Variants in PLXNA2 observed in about 807,000 individuals in gnomAD.
The protein encoded by PLXNA2 is plexin A2.
A neutral mutation model predicts 193.5 loss-of-function variants in PLXNA2; 91 were observed. The ratio of observed to expected loss-of-function variants is 0.47; its 90% CI spans 0.40 to 0.56. The LOEUF is 0.56. Ranked by LOEUF, PLXNA2 falls within the 20% of genes least tolerant of loss-of-function variation. The probability of loss-of-function intolerance (pLI) is 0.00; values close to 1 mark genes in which losing one functional copy is unlikely to be tolerated. For missense variants in PLXNA2, 1,995 were observed against 2,503.2 expected, an observed-to-expected ratio of 0.80 and a Z score of 4.33; for synonymous variants, 997 against 1,027.3, an observed-to-expected ratio of 0.97 and a Z score of 0.56.
chr1:208,210,016 TGTACC>T (rs1670882932), intron 3 of PLXNA2: 2 of 220,096 alleles, frequency 9.1e-6, no homozygotes, highest in African/African-American at 2.6e-5. Flanking sequence ...CTTTTGCAGA[TGTACC>T]TTCTTAAAGT....
intron 4 of PLXNA2, among the ~76,000 whole-genome samples, chr1:208,132,271 A>G (rs1199386028): frequency 1.3e-5 from 2 of 152,186 alleles, no homozygotes; most frequent in Non-Finnish European, 2.9e-5. Context: ...GGCCTCCTGG[A>G]GCCCAGAAAG....
chr1:208,203,987 T>C (rs1445552936), intron 3 of PLXNA2, among the ~76,000 whole-genome samples: 1 of 152,238 alleles, frequency 6.6e-6, no homozygotes, highest in Non-Finnish European at 1.5e-5. Context: ...TGGCTTTGCT[T>C]AGTAAATCGT....
intron 2 of PLXNA2, among the ~76,000 whole-genome samples, chr1:208,215,965 A>G (rs1180779715): frequency 2.6e-5 from 4 of 152,048 alleles, no homozygotes; most frequent in African/African-American, 9.7e-5. Flanking sequence ...GTTTTCCATC[A>G]GTTGGTCAAG....
At chr1:208,180,162 GTA>G (rs1171622887) in intron 3 of PLXNA2, among the ~76,000 whole-genome samples, 4 of 105,028 alleles carry the variant, frequency 3.8e-5, no homozygotes, top group African/African-American at 1.6e-4. Context: ...CTGGGGGCTT[GTA>G]TTTTTTTTTT....
intron 17 of PLXNA2, among the ~76,000 whole-genome samples, chr1:208,050,213 C>T (rs1370640609): frequency 6.6e-6 from 1 of 152,236 alleles, no homozygotes; most frequent in African/African-American, 2.4e-5. Context: ...CAACCTTATG[C>T]CAGCCACGGG....
chr1:208,043,381 G>A (rs1455421678), intron 20 of PLXNA2, among the ~76,000 whole-genome samples, 178 bp from the exon 21 acceptor site: 4 of 152,134 alleles, frequency 2.6e-5, no homozygotes, highest in African/African-American at 9.7e-5. Flanking sequence ...GTGGGGAAAT[G>A]GGTGATTTTT....
At chr1:208,127,520 G>A (rs188545150) in intron 4 of PLXNA2, among the ~76,000 whole-genome samples, 3 of 152,270 alleles carry the variant, frequency 2.0e-5, no homozygotes, top group Admixed American at 6.5e-5. Flanking sequence ...TCCACTTCCC[G>A]AGGTGCACAC....
chr1:208,191,006 T>C (rs543447918), intron 3 of PLXNA2, among the ~76,000 whole-genome samples: 2 of 152,350 alleles, frequency 1.3e-5, no homozygotes, highest in Admixed American at 1.3e-4. Context: ...GGTGGGGCAC[T>C]GACAGGTGAG....
At chr1:208,211,541 A>G (rs1670949343) in intron 2 of PLXNA2, among the ~76,000 whole-genome samples, 1 of 152,012 alleles carries the variant, frequency 6.6e-6, no homozygotes, top group South Asian at 2.1e-4. Flanking sequence ...AAAATACAAA[A>G]AATTAGCCAG....
intron 1 of PLXNA2, among the ~76,000 whole-genome samples, chr1:208,223,678 G>C (rs1385160418): frequency 6.6e-6 from 1 of 152,198 alleles, no homozygotes; most frequent in East Asian, 1.9e-4. Context: ...TAACTTGGGG[G>C]CTATGGTGTC....
intron 12 of PLXNA2, among the ~76,000 whole-genome samples, chr1:208,065,190 A>C (rs1038190147): frequency 1.3e-5 from 2 of 152,190 alleles, no homozygotes; most frequent in Non-Finnish European, 2.9e-5. Flanking sequence ...ACAGAAGGGA[A>C]ACCAAAGTAT....
In PLXNA2 at chr1:208,236,768, T is replaced by TC. The variant is rs1671869703; in HGVS notation, c.-81+6874dup. Reference sequence around the variant, plus strand: ...CTAGGAAAGGCTCTAGAGACTGGAATCTAGTGGTTCTTTACATTGTGGAGG... The same window carrying TC: ...CTAGGAAAGGCTCTAGAGACTGGAATCCTAGTGGTTCTTTACATTGTGGAGG... On this transcript the variant is annotated intron_variant, in intron 1 of 31. Coordinates refer to ENST00000367033, the MANE Select transcript of PLXNA2 (RefSeq NM_025179.4). The surrounding 1 kb of genome is among the most constrained non-coding windows in gnomAD (Gnocchi z 4.4). Among the ~76,000 whole-genome samples the TC allele has an allele frequency of 6.6e-6, 1 of 152,186 alleles. No homozygotes were observed. Among genetic ancestry groups the TC allele is most frequent in the African/African-American group, 2.4e-5 (1 of 41,438 alleles).
chr1:208,047,807 T>G (rs1665127045), intron 17 of PLXNA2, among the ~76,000 whole-genome samples: 1 of 152,274 alleles, frequency 6.6e-6, no homozygotes. Context: ...AGTCCAAGTC[T>G]TAACCCTTCC....
intron 3 of PLXNA2, among the ~76,000 whole-genome samples, chr1:208,150,096 G>A (rs906231457): frequency 1.3e-5 from 2 of 152,146 alleles, no homozygotes; most frequent in African/African-American, 4.8e-5. Context: ...GCAGAGGAGA[G>A]GAAGAAGGGA....
At position 208,217,101 on chromosome 1, in the gene PLXNA2, G is replaced by T; in HGVS notation, c.822C>A (p.Leu274=). ...EGVAINSAGD[L]FYTSRIVRLC... is the part of the protein sequence containing the mutation. ...GCCGCACGATGCGTGAGGTGTAGAAGAGGTCTCCAGCGGAGTTGATGGCCA... is the reference window on the plus strand; with the variant it reads ...GCCGCACGATGCGTGAGGTGTAGAATAGGTCTCCAGCGGAGTTGATGGCCA... Residue 274 remains leucine, a synonymous_variant, in exon 2 of 32, where the codon CTC becomes CTA. Coordinates refer to ENST00000367033, the MANE Select transcript of PLXNA2 (RefSeq NM_025179.4). This position sits in a 1 kb window ranked among gnomAD's most constrained non-coding sequence, Gnocchi z 4.7. The T allele has an allele frequency of 1.9e-6, 3 of 1,614,168 alleles. No homozygotes were observed. Among genetic ancestry groups the T allele is most frequent in the Non-Finnish European group, 2.5e-6 (3 of 1,180,026 alleles).
chr1:208,089,509 T>C (rs1200163603), intron 9 of PLXNA2, among the ~76,000 whole-genome samples: 1 of 152,190 alleles, frequency 6.6e-6, no homozygotes, highest in East Asian at 1.9e-4. Context: ...CAAGAATCCA[T>C]TGAAATGCCA....
intron 3 of PLXNA2, among the ~76,000 whole-genome samples, chr1:208,171,325 A>T (rs984179537): frequency 6.6e-6 from 1 of 152,200 alleles, no homozygotes; most frequent in African/African-American, 2.4e-5. Context: ...AATAACAGTT[A>T]ACTTTTACTA....
chr1:208,156,624 C>T (rs528335311), intron 3 of PLXNA2, among the ~76,000 whole-genome samples: 1 of 152,272 alleles, frequency 6.6e-6, no homozygotes, highest in African/African-American at 2.4e-5. Flanking sequence ...CCCTAAAATA[C>T]ACTCACCTTT....
intron 3 of PLXNA2, among the ~76,000 whole-genome samples, chr1:208,143,408 C>T (rs1205963392): frequency 9.2e-5 from 14 of 152,194 alleles, no homozygotes; most frequent in Admixed American, 9.2e-4. Flanking sequence ...CTAACAAATT[C>T]CCCAGCTGAT....
Sources: allele counts gnomAD v4.1 joint callset (sites outside exome capture counted in the v4.1 genomes callset), GRCh38; gene constraint gnomAD v4.1.1; non-coding constraint Gnocchi (gnomAD v3.1); transcripts MANE v1.5; gene names NCBI Gene and HGNC (gene_info 2026-07-23, HGNC 2026-07-21).